HNMT: variants seen among roughly 807,000 people sequenced by gnomAD.
HNMT encodes histamine N-methyltransferase.
Under a neutral mutation model 32.1 loss-of-function variants are expected in HNMT, and 30 were observed. That is an observed-to-expected ratio of 0.93 (90% CI 0.70 to 1.27). The LOEUF is 1.27. HNMT is among the 50% of genes most tolerant of loss of function. HNMT has a pLI of 0.00. For missense variants in HNMT, 327 were observed against 346.0 expected, an observed-to-expected ratio of 0.95 and a Z score of 0.43; for synonymous variants, 125 against 119.0, an observed-to-expected ratio of 1.05 and a Z score of -0.33.
At chr2:137,998,175 A>G (rs1031481657) in intron 2 of HNMT, among the ~76,000 whole-genome samples, 2 of 152,176 alleles carry the variant, frequency 1.3e-5, no homozygotes, top group African/African-American at 4.8e-5. Context: ...GTAATCGCCT[A>G]TGAGCACAGT....
intron 2 of HNMT, among the ~76,000 whole-genome samples, chr2:137,992,172 G>A (rs1680840314): frequency 6.6e-6 from 1 of 152,250 alleles, no homozygotes. Flanking sequence ...TTCTCGGTTG[G>A]AAGGAATCTG....
In HNMT at chr2:138,016,112, A is replaced by G. The variant is rs143738349; in HGVS notation, c.*1982A>G. 6.6e-6 allele frequency: 1 copy of G among 152,198 alleles called. No homozygotes were observed. Among genetic ancestry groups the G allele is most frequent in the East Asian group, 1.9e-4 (1 of 5,178 alleles). 9.4% of individuals were successfully genotyped at this position (152,198 alleles called of 1,614,324 possible). On this transcript the variant is annotated 3_prime_UTR_variant, in exon 6 of 6. Transcript: ENST00000280097. ...CAAAATTTGGGACAGTCACATACTAACTTTTCAGATTTGTTCTTGTGTTTC... is the reference window on the plus strand; with the variant it reads ...CAAAATTTGGGACAGTCACATACTAGCTTTTCAGATTTGTTCTTGTGTTTC...
At chr2:137,984,088 G>A (rs977009403) in intron 2 of HNMT, among the ~76,000 whole-genome samples, 1 of 152,078 alleles carries the variant, frequency 6.6e-6, no homozygotes, top group African/African-American at 2.4e-5. Flanking sequence ...ACTGAGTGTT[G>A]TGCATCCACC....
chr2:137,977,600 T>C lies in HNMT; in HGVS notation c.190+7383T>C, dbSNP rs193188309. Reference sequence around the variant, plus strand: ...CTAATAATATATTTTATTCAAAATATAAAAAATTTAAAGAAAAGTTCAAAT... The same window carrying C: ...CTAATAATATATTTTATTCAAAATACAAAAAATTTAAAGAAAAGTTCAAAT... On this transcript the variant is annotated intron_variant, in intron 2 of 5. Transcript: ENST00000280097. 2.0e-3 allele frequency among the ~76,000 whole-genome samples: 301 copies of C among 152,098 alleles called. 1 individual carries two copies. Among genetic ancestry groups the C allele is most frequent in the African/African-American group, 6.8e-3 (283 of 41,516 alleles).
intron 2 of HNMT, among the ~76,000 whole-genome samples, chr2:137,986,578 T>G (rs1680657191): frequency 6.6e-6 from 1 of 152,178 alleles, no homozygotes; most frequent in Non-Finnish European, 1.5e-5. Flanking sequence ...AAAAATGCCC[T>G]GACAGACACA....
At chr2:137,978,289 C>T (rs3100696) in intron 2 of HNMT, among the ~76,000 whole-genome samples, 142,621 of 147,562 alleles carry the variant, frequency 0.97, 69,114 homozygotes, top group East Asian at 1. Flanking sequence ...AACTATACTA[C>T]AGTTATGTAT....
At chr2:138,010,437 ACACG>A (rs577602110) in intron 5 of HNMT, among the ~76,000 whole-genome samples, 1,638 of 104,164 alleles carry the variant, frequency 0.016, 25 homozygotes, top group African/African-American at 0.059. Context: ...TAAAAAAGAC[ACACG>A]CACACACACA....
At chr2:137,983,059 T>C (rs780401990) in intron 2 of HNMT, among the ~76,000 whole-genome samples, 7 of 152,190 alleles carry the variant, frequency 4.6e-5, no homozygotes, top group Non-Finnish European at 1.0e-4. Flanking sequence ...CGCATGATTT[T>C]TTCCTATTAT....
intron 2 of HNMT, among the ~76,000 whole-genome samples, chr2:137,978,468 TA>T (rs1246741806): frequency 1.4e-5 from 2 of 143,524 alleles, no homozygotes; most frequent in Non-Finnish European, 3.0e-5. Flanking sequence ...TATTATACAA[TA>T]CATATGATTA....
At chr2:137,969,188 C>A (rs1440370006) in intron 1 of HNMT, among the ~76,000 whole-genome samples, 3 of 152,144 alleles carry the variant, frequency 2.0e-5, no homozygotes, top group South Asian at 2.1e-4. Flanking sequence ...TGCTTTATTT[C>A]TTTTCTTCTC....
chr2:138,007,340 A>T lies in HNMT; in HGVS notation c.523+2115A>T, dbSNP rs571673199. ...AAAATAAATAAATTAAATATAAGTT[A>T]ATTTTTTTTAAAACCTACTTTTCCC... On this transcript the variant is annotated intron_variant, in intron 5 of 5. Transcript: ENST00000280097. 2.8e-4 allele frequency among the ~76,000 whole-genome samples: 42 copies of T among 152,112 alleles called. 1 individual carries two copies. In the South Asian group the frequency reaches 8.7e-3, roughly 32 times the overall value.
rs534426059 is a variant in HNMT, at chr2:138,013,759, G to T, written c.524-16G>T. 2 of 1,591,826 alleles carry T rather than the reference G, an allele frequency of 1.3e-6. No individual in the cohort carries two copies. The highest frequency in any genetic ancestry group is 2.3e-5 in the East Asian group (1 of 44,208). ...GAAAGAATAAATGAAAGCATGACTT[G>T]TGTTTTATTGCACAGGAAGCAGTGG... is the stretch of plus-strand genomic sequence containing the variant. On this transcript the variant is annotated splice_polypyrimidine_tract_variant and intron_variant, in intron 5 of 5. Transcript: ENST00000280097.
rs147170829 is a variant in HNMT at position 137,969,801 on chromosome 2, T to C, written c.138-364T>C. 4.8e-4 allele frequency among the ~76,000 whole-genome samples: 73 copies of C among 152,244 alleles called. 1 individual carries two copies. Among genetic ancestry groups the C allele is most frequent in the African/African-American group, 1.3e-3 (55 of 41,556 alleles). ...GAGGAAAGAAGGCAAACATTATAGA[T>C]AGTGGGAACCAGCTGAGCCTTTCCT... is the stretch of plus-strand genomic sequence containing the variant. On this transcript the variant is annotated intron_variant, in intron 1 of 5. Coordinates refer to ENST00000280097, the MANE Select transcript of HNMT (RefSeq NM_006895.3).
chr2:137,965,840 T>C (rs1679940661), intron 1 of HNMT, among the ~76,000 whole-genome samples: 1 of 152,202 alleles, frequency 6.6e-6, no homozygotes, highest in African/African-American at 2.4e-5. Flanking sequence ...CATACACAGT[T>C]TGGTTTGAAG....
chr2:137,981,078 A>G, intron 2 of HNMT: 1 of 1,082,808 alleles, frequency 9.2e-7, no homozygotes, highest in Non-Finnish European at 1.3e-6. Flanking sequence ...TAATAATCTT[A>G]ATGCAACATG....
At chr2:138,007,801 G>C (rs1332062117) in intron 5 of HNMT, among the ~76,000 whole-genome samples, 3 of 151,736 alleles carry the variant, frequency 2.0e-5, no homozygotes, top group African/African-American at 7.3e-5. Flanking sequence ...TGGGACCTGT[G>C]GGGGAGAAAG....
chr2:137,976,268 A>G (rs1477038965), intron 2 of HNMT, among the ~76,000 whole-genome samples: 1 of 24,226 alleles, frequency 4.1e-5, no homozygotes, highest in East Asian at 3.2e-3. Context: ...TCCATCTCAA[A>G]AAAACAAAAA....
chr2:137,971,839 C>T (rs1293608791), intron 2 of HNMT, among the ~76,000 whole-genome samples: 1 of 151,814 alleles, frequency 6.6e-6, no homozygotes, highest in African/African-American at 2.4e-5. Flanking sequence ...TGGGTTAATG[C>T]ATTAATATAT....
intron 5 of HNMT, among the ~76,000 whole-genome samples, chr2:138,010,239 ATGT>A (rs1681453127): frequency 2.0e-5 from 3 of 152,058 alleles, no homozygotes; most frequent in African/African-American, 7.2e-5. Context: ...CTTAGTAAAT[ATGT>A]TTTAATTGAA....
Sources: allele counts gnomAD v4.1 joint callset (sites outside exome capture counted in the v4.1 genomes callset), GRCh38; gene constraint gnomAD v4.1.1; transcripts MANE v1.5; gene names NCBI Gene and HGNC (gene_info 2026-07-23, HGNC 2026-07-21).